SNTG1: variants seen among roughly 807,000 people sequenced by gnomAD.
SNTG1 encodes the protein gamma-1-syntrophin.
In SNTG1, 39 loss-of-function variants were observed where a neutral mutation model predicts 74.7. That is an observed-to-expected ratio of 0.52 (90% CI 0.40 to 0.68). The LOEUF (loss-of-function observed/expected upper bound fraction) is 0.68, where lower values mean the gene tolerates loss of function less well. Ranked by LOEUF, SNTG1 falls within the 30% of genes least tolerant of loss-of-function variation. The pLI is 0.00. For missense variants in SNTG1, 685 were observed against 609.5 expected (o/e 1.12, Z -1.30); for synonymous variants, 254 against 217.1 (o/e 1.17, Z -1.49).
chr8:50,515,412 TTTTG>T (rs1276974260), intron 9 of SNTG1, among the ~76,000 whole-genome samples: 9 of 82,780 alleles, frequency 1.1e-4, no homozygotes, highest in Admixed American at 3.6e-4. Flanking sequence ...TTTTTTTTTT[TTTTG>T]TTACTCCAGT....
chr8:50,299,745 G>A (rs2089559687), intron 2 of SNTG1, among the ~76,000 whole-genome samples: 1 of 151,712 alleles, frequency 6.6e-6, no homozygotes. Flanking sequence ...ATTTTTATTG[G>A]GATCTCCGTT....
In SNTG1 at chr8:49,924,702, A is replaced by G. The variant is rs1448496497; in HGVS notation, c.-103+12471A>G. On this transcript the variant is annotated intron_variant, in intron 1 of 18. Coordinates refer to ENST00000642720, the MANE Select transcript of SNTG1 (RefSeq NM_018967.5). ...TGATGATACTCCAAAAAGGCTAAAG[A>G]AAAGTTGAATAATGTTTAATGGGTA... Among the ~76,000 whole-genome samples the G allele has an allele frequency of 4.6e-5, 7 of 152,120 alleles. No homozygotes were observed. The East Asian group carries it at 7.7e-4, about 17-fold the overall frequency.
At chr8:50,299,024 A>G (rs771162652) in intron 2 of SNTG1, among the ~76,000 whole-genome samples, 6 of 152,152 alleles carry the variant, frequency 3.9e-5, no homozygotes, top group Non-Finnish European at 7.4e-5. Context: ...CATATATTGA[A>G]CTTGAACACT....
chr8:50,315,748 A>ATTTTGGTATAATTTTTT (rs2090291995), intron 2 of SNTG1, among the ~76,000 whole-genome samples: 1 of 138,184 alleles, frequency 7.2e-6, no homozygotes, highest in African/African-American at 3.0e-5. Context: ...TTGAAAAGAA[A>ATTTTGGTATAATTTTTT]AACATACTAA....
rs113770321 is a variant in SNTG1 at position 50,583,714 on chromosome 8, CT to C, written c.811-7151del. On this transcript the variant is annotated intron_variant, in intron 12 of 18. Transcript: ENST00000642720. The stretch of plus-strand genomic sequence containing the variant: ...TGTAAGTAAATAGCAAAATGCTGAG[CT>C]TTTTTTTTTTTTTCTGCTAGAGGTC... Among the ~76,000 whole-genome samples, 631 of 143,626 alleles carry C rather than the reference CT, an allele frequency of 4.4e-3. 2 individuals carry two copies. The highest frequency in any genetic ancestry group is 0.015 in the Middle Eastern group (4 of 274). The allele number at this position is 143,626 out of a possible 152,430, so 94.2% of individuals were successfully genotyped here. A position where few individuals can be genotyped will look rare whatever the true frequency, so the allele number is the denominator to read the frequency against.
chr8:50,149,400 A>G (rs1340981317), intron 1 of SNTG1, among the ~76,000 whole-genome samples: 2 of 152,184 alleles, frequency 1.3e-5, no homozygotes, highest in South Asian at 4.1e-4. Flanking sequence ...GTTTGATTAG[A>G]TCCCATTTGT....
intron 13 of SNTG1, among the ~76,000 whole-genome samples, chr8:50,616,811 G>A (rs567870634): frequency 1.6e-4 from 25 of 152,254 alleles, no homozygotes; most frequent in Admixed American, 1.4e-3. Context: ...GATTTACTCC[G>A]TAAGGCTTTA....
At chr8:50,020,598 T>A (rs914694517) in intron 1 of SNTG1, among the ~76,000 whole-genome samples, 1 of 152,170 alleles carries the variant, frequency 6.6e-6, no homozygotes, top group African/African-American at 2.4e-5. Flanking sequence ...TTAATCTGCA[T>A]GGATTTTATT....
intron 2 of SNTG1, among the ~76,000 whole-genome samples, chr8:50,288,047 G>T (rs894685929): frequency 7.2e-5 from 11 of 152,062 alleles, no homozygotes; most frequent in African/African-American, 2.7e-4. Context: ...TTTGGGGACT[G>T]TAAGTTATTT....
At chr8:50,060,922 A>G (rs1168099264) in intron 1 of SNTG1, among the ~76,000 whole-genome samples, 1 of 152,096 alleles carries the variant, frequency 6.6e-6, no homozygotes, top group Non-Finnish European at 1.5e-5. Context: ...GTCAGTGTAA[A>G]TATCTCTTTA....
chr8:50,100,752 T>TA lies in SNTG1; in HGVS notation c.-102-71805dup, dbSNP rs202097629. On this transcript the variant is annotated intron_variant, in intron 1 of 18. Coordinates refer to ENST00000642720, the MANE Select transcript of SNTG1 (RefSeq NM_018967.5). ...TGTCATATTTCCATTTTCAGGTTTT[T>TA]AAAAGTACAATAATACTTAACATTC... is the stretch of plus-strand genomic sequence containing the variant. 9.5e-3 allele frequency among the ~76,000 whole-genome samples: 1,451 copies of TA among 152,224 alleles called. 12 individuals carry two copies. Among genetic ancestry groups the TA allele is most frequent in the Middle Eastern group, 0.031 (9 of 294 alleles).
At chr8:49,938,603 T>TTTTCTTTTCTTTTCTTTCTTTC in intron 1 of SNTG1, among the ~76,000 whole-genome samples, 1 of 74,754 alleles carries the variant, frequency 1.3e-5, no homozygotes, top group Non-Finnish European at 2.7e-5. Flanking sequence ...TTTTCTTTTC[T>TTTTCTTTTCTTTTCTTTCTTTC]TTTCTTTCTT....
At chr8:50,673,918 G>T (rs995725258) in intron 15 of SNTG1, among the ~76,000 whole-genome samples, 6 of 152,208 alleles carry the variant, frequency 3.9e-5, no homozygotes, top group East Asian at 1.9e-4. Context: ...GGCCTTCTCT[G>T]CATCTATTGA....
intron 9 of SNTG1, among the ~76,000 whole-genome samples, chr8:50,503,458 C>G (rs912113229): frequency 6.6e-6 from 1 of 152,156 alleles, no homozygotes; most frequent in Non-Finnish European, 1.5e-5. Context: ...AAAGATCTTG[C>G]ACAGTCGGAT....
chr8:50,316,218 G>A (rs754473302), intron 2 of SNTG1, among the ~76,000 whole-genome samples: 1 of 152,044 alleles, frequency 6.6e-6, no homozygotes, highest in Non-Finnish European at 1.5e-5. Flanking sequence ...ACAGAATTTG[G>A]TAAACACGGT....
At chr8:49,938,616 TTTCTTTC>T (rs1808383280) in intron 1 of SNTG1, among the ~76,000 whole-genome samples, 2 of 104,260 alleles carry the variant, frequency 1.9e-5, no homozygotes, top group African/African-American at 9.2e-5. Context: ...TCTTTCTTTC[TTTCTTTC>T]TTTCTTTCTT....
rs1817952090 is a variant in SNTG1, at chr8:50,034,048, A to G, written c.-103+121817A>G. 2.6e-5 allele frequency among the ~76,000 whole-genome samples: 4 copies of G among 152,168 alleles called. No individual in the cohort carries two copies. The South Asian group carries it at 6.2e-4, about 24-fold the overall frequency. ...GCTTTTTTGATGGCAGAAGGTCACA[A>G]CTCAATGAAAAAGAAGGTAGCAGAA... On this transcript the variant is annotated intron_variant, in intron 1 of 18. Coordinates refer to ENST00000642720, the MANE Select transcript of SNTG1 (RefSeq NM_018967.5).
intron 1 of SNTG1, among the ~76,000 whole-genome samples, chr8:49,946,324 T>G (rs140117761): frequency 6.6e-6 from 1 of 152,332 alleles, no homozygotes; most frequent in African/African-American, 2.4e-5. Context: ...TGTAAATAAC[T>G]TTGTAGACAT....
At chr8:50,775,410 T>C (rs891233559) in intron 18 of SNTG1, among the ~76,000 whole-genome samples, 2 of 151,698 alleles carry the variant, frequency 1.3e-5, no homozygotes, top group African/African-American at 4.8e-5. Context: ...GGATTATTTA[T>C]AATTCTGTGC....
Sources: gnomAD v4.1 joint callset for allele counts (sites outside exome capture counted in the v4.1 genomes callset) on GRCh38, gnomAD v4.1.1 for gene constraint, MANE v1.5 for transcripts, NCBI Gene and HGNC (gene_info 2026-07-23, HGNC 2026-07-21) for gene names.